ARHGEF10L: variants seen among roughly 807,000 people sequenced by gnomAD.
ARHGEF10L encodes Rho guanine nucleotide exchange factor 10 like.
ARHGEF10L carries 69 observed loss-of-function variants against 141.2 expected under a neutral mutation model. The observed-to-expected ratio is 0.49, with a 90% confidence interval of 0.40 to 0.60. The LOEUF is 0.60. Ranked by LOEUF, ARHGEF10L falls within the 20% of genes least tolerant of loss-of-function variation. ARHGEF10L has a pLI of 0.00. For missense variants in ARHGEF10L, 1,482 were observed against 1,734.3 expected (o/e 0.85, Z 2.58); for synonymous variants, 711 against 718.5 (o/e 0.99, Z 0.17).
chr1:17,634,208 A>G (rs2060864240), intron 16 of ARHGEF10L: 2 of 442,386 alleles, frequency 4.5e-6, no homozygotes, highest in African/African-American at 2.0e-5. Context: ...CTCTGCCTTC[A>G]TGTTGCTCTA....
chr1:17,635,043 G>T lies in ARHGEF10L; in HGVS notation c.1927+27G>T, dbSNP rs768224283. The T allele has an allele frequency of 3.7e-6, 6 of 1,612,662 alleles. No individual in the cohort carries two copies. In the South Asian group the frequency reaches 6.6e-5, roughly 18 times the overall value. On this transcript the variant is annotated intron_variant, in intron 18 of 28. Transcript: ENST00000361221. ...TGAGTACCCCCTCTCTGTGCCCTGC[G>T]TTCGTCACCCTCGCCCTCACCAGCC...
chr1:17,586,560 T>A (rs1387452813), intron 2 of ARHGEF10L, among the ~76,000 whole-genome samples: 2 of 152,164 alleles, frequency 1.3e-5, no homozygotes, highest in Non-Finnish European at 2.9e-5. Context: ...TGTGGTGAAA[T>A]GGCTGGAAAT....
chr1:17,640,640 A>C (rs1430917907), intron 21 of ARHGEF10L, among the ~76,000 whole-genome samples: 2 of 152,070 alleles, frequency 1.3e-5, no homozygotes. Flanking sequence ...GGAGGTGATG[A>C]AAATGTTCTA....
At chr1:17,675,800 G>T (rs1443388933) in intron 26 of ARHGEF10L, among the ~76,000 whole-genome samples, 1 of 148,394 alleles carries the variant, frequency 6.7e-6, no homozygotes, top group Non-Finnish European at 1.5e-5. Flanking sequence ...TCAGGTGTAG[G>T]TACAGGCATG....
rs951008474 is a variant in ARHGEF10L at position 17,607,388 on chromosome 1, T to G, written c.434-414T>G. On this transcript the variant is annotated intron_variant, in intron 6 of 28. Transcript: ENST00000361221. The surrounding 1 kb of genome is among the most constrained non-coding windows in gnomAD (Gnocchi z 4.5). Reference sequence around the variant, plus strand: ...TACCTGGGAAGCTGAGATAGGAGGATCTCTTGAGCCCAGGAGTTTGAGGCC... The same window carrying G: ...TACCTGGGAAGCTGAGATAGGAGGAGCTCTTGAGCCCAGGAGTTTGAGGCC... Among the ~76,000 whole-genome samples, 9 of 152,040 alleles carry G rather than the reference T, an allele frequency of 5.9e-5. No homozygotes were observed. The highest frequency in any genetic ancestry group is 2.2e-4 in the African/African-American group (9 of 41,412).
At chr1:17,546,279 G>A (rs2076912006) in intron 1 of ARHGEF10L, among the ~76,000 whole-genome samples, 1 of 152,140 alleles carries the variant, frequency 6.6e-6, no homozygotes, top group African/African-American at 2.4e-5. Context: ...AACTTAATTG[G>A]GAAGAGGGGT....
chr1:17,663,557 G>GAA (rs71014976), intron 25 of ARHGEF10L, among the ~76,000 whole-genome samples: 44 of 126,148 alleles, frequency 3.5e-4, no homozygotes, highest in South Asian at 1.1e-3. Context: ...CTGTCTCAAA[G>GAA]AAAAAAAAAA....
chr1:17,687,510 GC>G, intron 26 of ARHGEF10L, 62 bp from the exon 27 acceptor site: 1 of 1,580,964 alleles, frequency 6.3e-7, no homozygotes, highest in African/African-American at 1.3e-5. Flanking sequence ...AGGGGTGGGG[GC>G]TTGTAGGGAG....
chr1:17,540,861 C>T (rs967924081), intron 1 of ARHGEF10L, among the ~76,000 whole-genome samples: 2 of 152,196 alleles, frequency 1.3e-5, no homozygotes, highest in East Asian at 1.9e-4. Flanking sequence ...TGCTCCTCCT[C>T]GGGTTCTGGG....
Position 17,568,172 on chromosome 1 carries a change from C to T in ARHGEF10L, c.-43-12381C>T, listed in dbSNP as rs572804698. ...TTCAGCTCTAGCCTGGGACACCACC[C>T]CTTCTTGTAGGCCGGTGCTGCTGTT... On this transcript the variant is annotated intron_variant, in intron 1 of 28. Transcript: ENST00000361221. Among the ~76,000 whole-genome samples the T allele has an allele frequency of 3.3e-3, 504 of 152,316 alleles. 5 individuals carry two copies. The highest frequency in any genetic ancestry group is 0.021 in the Admixed American group (321 of 15,304).
the ARHGEF10L span, among the ~76,000 whole-genome samples, chr1:17,533,457 A>T: frequency 5.3e-5 from 8 of 152,288 alleles, no homozygotes; most frequent in East Asian, 1.5e-3. Flanking sequence ...AGCGTGAGCC[A>T]CTGTGCCGGC....
At position 17,588,458 on chromosome 1, in the gene ARHGEF10L, C is replaced by G; in HGVS notation, c.236C>G (p.Ala79Gly). 1 of 1,614,020 alleles carries G rather than the reference C, an allele frequency of 6.2e-7. No individual in the cohort carries two copies. Among genetic ancestry groups the G allele is most frequent in the South Asian group, 1.1e-5 (1 of 91,074 alleles). ...TCTTCTTTTGCAGACCCAGACCCAGCAGCTGCTCCACCCGGCACAGGGTAA... is the reference window on the plus strand; with the variant it reads ...TCTTCTTTTGCAGACCCAGACCCAGGAGCTGCTCCACCCGGCACAGGGTAA... ...DSIPVTDPDP[A>G]AAPPGTGVPA... The change falls in exon 4 of 29, where the codon GCA becomes GGA. Residue 79 changes from alanine (A) to glycine (G), a missense_variant. Around this residue, in one of 3 missense-constraint regions of ARHGEF10L, gnomAD observed 232 missense variants for 225.9 expected, o/e 1.03. Transcript: ENST00000361221.
chr1:17,664,657 T>C, intron 26 of ARHGEF10L, 62 bp downstream of exon 26: 2 of 1,441,280 alleles, frequency 1.4e-6, no homozygotes, highest in African/African-American at 2.9e-5. Context: ...TGACCCTTTC[T>C]TATGTCCACC....
intron 4 of ARHGEF10L, among the ~76,000 whole-genome samples, chr1:17,601,408 T>C (rs1194327103): frequency 2.6e-5 from 4 of 152,242 alleles, no homozygotes; most frequent in African/African-American, 7.2e-5. Context: ...GACTAAGCTC[T>C]ACCTCCCACT....
Position 17,690,923 on chromosome 1 carries a change from AT to A in ARHGEF10L, c.3184+3183del, listed in dbSNP as rs3215129. Among the ~76,000 whole-genome samples the A allele has an allele frequency of 8.7e-3, 1,318 of 152,230 alleles. 8 individuals are homozygous for A. Among genetic ancestry groups the A allele is most frequent in the Non-Finnish European group, 0.015 (1,016 of 68,000 alleles). Reference sequence around the variant, plus strand: ...AGATATTTTTAAAAGGCTTTTAAGTATTTTTTTCTTCCCCCACACCAGCAAA... The same window carrying A: ...AGATATTTTTAAAAGGCTTTTAAGTATTTTTTCTTCCCCCACACCAGCAAA... On this transcript the variant is annotated intron_variant, in intron 27 of 28. Transcript: ENST00000361221.
Position 17,623,637 on chromosome 1 carries a change from A to C in ARHGEF10L, c.1200+462A>C, listed in dbSNP as rs137884470. 2.6e-3 allele frequency among the ~76,000 whole-genome samples: 389 copies of C among 152,234 alleles called. 4 individuals carry two copies. The highest frequency in any genetic ancestry group is 0.022 in the South Asian group (106 of 4,830). ...GTTCTGGTCCCAGCTCAGTTCTGCA[A>C]CCTAGGGCAGGTCCAGGGCCCACTC... On this transcript the variant is annotated intron_variant, in intron 12 of 28. Transcript: ENST00000361221. This position sits in a 1 kb window ranked among gnomAD's most constrained non-coding sequence, Gnocchi z 4.7.
chr1:17,649,170 T>C (rs1310597373), intron 22 of ARHGEF10L, among the ~76,000 whole-genome samples: 2 of 152,262 alleles, frequency 1.3e-5, no homozygotes, highest in African/African-American at 4.8e-5. Context: ...TGCGAGTAGA[T>C]GTTTCTCTAT....
chr1:17,667,265 A>T (rs2063043984), intron 26 of ARHGEF10L, among the ~76,000 whole-genome samples: 1 of 152,184 alleles, frequency 6.6e-6, no homozygotes, highest in Admixed American at 6.5e-5. Context: ...CCCTTGGGGC[A>T]ACCTTCAGTC....
chr1:17,687,307 G>A (rs986150294), intron 26 of ARHGEF10L, among the ~76,000 whole-genome samples: 1 of 152,128 alleles, frequency 6.6e-6, no homozygotes, highest in East Asian at 1.9e-4. Flanking sequence ...AACTGGCCAC[G>A]TTAGAATGTT....
Sources: gnomAD v4.1 joint callset for allele counts (sites outside exome capture counted in the v4.1 genomes callset) on GRCh38, gnomAD v4.1.1 for gene constraint, gnomAD v4.1.1 regional missense constraint, Gnocchi (gnomAD v3.1) non-coding constraint, MANE v1.5 for transcripts, NCBI Gene and HGNC (gene_info 2026-07-23, HGNC 2026-07-21) for gene names.